The following SCN2A variants were observed in gnomAD, a reference collection of about 807,000 sequenced individuals.
SCN2A encodes the protein sodium channel protein type 2 subunit alpha.
SCN2A carries 20 observed loss-of-function variants against 188.7 expected under a neutral mutation model. That is an observed-to-expected ratio of 0.11 (90% CI 0.07 to 0.15). SCN2A has a LOEUF of 0.15. Among genes scored for constraint, SCN2A ranks in the 10% least tolerant of loss-of-function variants. The probability of loss-of-function intolerance (pLI) is 1.00; values close to 1 mark genes in which losing one functional copy is unlikely to be tolerated. For missense variants in SCN2A, 1,278 were observed against 2,445.0 expected (o/e 0.52, Z 10.07); for synonymous variants, 804 against 833.1 (o/e 0.97, Z 0.60).
intron 1 of SCN2A, among the ~76,000 whole-genome samples, chr2:165,256,800 A>AT (rs1168751521): frequency 6.6e-6 from 1 of 151,496 alleles, no homozygotes; most frequent in Admixed American, 6.6e-5. Flanking sequence ...ATGTTTGGCG[A>AT]TTTTTTTTCC....
chr2:165,278,757 C>T (rs555743538), intron 1 of SCN2A, among the ~76,000 whole-genome samples: 1 of 152,140 alleles, frequency 6.6e-6, no homozygotes, highest in South Asian at 2.1e-4. Flanking sequence ...ATAGTAAAAC[C>T]CCATCTCTAC....
intron 17 of SCN2A, among the ~76,000 whole-genome samples, chr2:165,360,549 A>C (rs1347886687): frequency 2.6e-5 from 4 of 151,942 alleles, no homozygotes; most frequent in Non-Finnish European, 5.9e-5. Flanking sequence ...TCCACCAAAA[A>C]CATTGTTCAA....
chr2:165,371,795 G>T (rs1701044176), intron 20 of SCN2A: 1 of 152,188 alleles, frequency 6.6e-6, no homozygotes, highest in African/African-American at 2.4e-5. Context: ...AGACCTGCTT[G>T]TTCTTTTAGT....
intron 3 of SCN2A, among the ~76,000 whole-genome samples, chr2:165,303,192 T>C (rs576523425): frequency 9.2e-5 from 14 of 152,188 alleles, no homozygotes; most frequent in Non-Finnish European, 1.9e-4. Context: ...GTTTCTATAC[T>C]TTTTTGATGC....
At chr2:165,243,724 G>A (rs1434039499) in intron 1 of SCN2A, 1 of 151,854 alleles carries the variant, frequency 6.6e-6, no homozygotes, top group African/African-American at 2.4e-5. Flanking sequence ...GAATCCTCTT[G>A]GGGCTTTCTT....
In SCN2A at chr2:165,365,223, A is replaced by C. The variant is rs1432278747; in HGVS notation, c.3480A>C (p.Glu1160Asp). The C allele has an allele frequency of 6.2e-7, 1 of 1,613,890 alleles. No individual in the cohort carries two copies. Among genetic ancestry groups the C allele is most frequent in the African/African-American group, 1.3e-5 (1 of 74,912 alleles). The change falls in exon 18 of 27, where the codon GAA (glutamate) becomes GAC (aspartate). Residue 1160 changes from glutamate to aspartate, a missense_variant. Transcript: ENST00000375437. ...APAEGEQPEVEPEESLEPEAC... is the reference protein window; with the variant it reads ...APAEGEQPEVDPEESLEPEAC... Reference sequence around the variant, plus strand: ...CCGAGGGAGAACAGCCTGAGGTTGAACCTGAGGAATCCCTTGAACCTGAAG... The same window carrying C: ...CCGAGGGAGAACAGCCTGAGGTTGACCCTGAGGAATCCCTTGAACCTGAAG...
At chr2:165,357,705 A>G (rs943291791) in intron 17 of SCN2A, among the ~76,000 whole-genome samples, 3 of 152,072 alleles carry the variant, frequency 2.0e-5, no homozygotes, top group Non-Finnish European at 4.4e-5. Flanking sequence ...TTGAATGACT[A>G]TTTTTCGAAG....
At chr2:165,309,204 T>A in intron 5 of SCN2A, 148 bp from the exon 6 acceptor site, 1 of 1,613,654 alleles carries the variant, frequency 6.2e-7, no homozygotes, top group Non-Finnish European at 8.5e-7. Flanking sequence ...ATGTTTCAGC[T>A]CTTCGAACTT....
intron 17 of SCN2A, among the ~76,000 whole-genome samples, chr2:165,364,485 A>G (rs1700623014): frequency 6.6e-6 from 1 of 152,276 alleles, no homozygotes; most frequent in African/African-American, 2.4e-5. Context: ...CAGGGCAGGT[A>G]AGAGTGCCAG....
At chr2:165,262,903 C>T (rs980912529) in intron 1 of SCN2A, among the ~76,000 whole-genome samples, 15 of 152,038 alleles carry the variant, frequency 9.9e-5, no homozygotes, top group Non-Finnish European at 1.9e-4. Context: ...CACATCCATG[C>T]CAATATCTAT....
chr2:165,314,848 G>A (rs1697646567), intron 10 of SCN2A, among the ~76,000 whole-genome samples: 1 of 152,042 alleles, frequency 6.6e-6, no homozygotes, highest in African/African-American at 2.4e-5. Context: ...TCCTAAATAT[G>A]TAATAAAGGT....
At chr2:165,298,937 AG>A (rs1179768517) in intron 3 of SCN2A, among the ~76,000 whole-genome samples, 1 of 151,886 alleles carries the variant, frequency 6.6e-6, no homozygotes, top group Non-Finnish European at 1.5e-5. Flanking sequence ...ATACAAAAAA[AG>A]TGAAAAAATA....
At chr2:165,289,314 G>GA (rs965699394) in intron 1 of SCN2A, among the ~76,000 whole-genome samples, 1 of 151,542 alleles carries the variant, frequency 6.6e-6, no homozygotes, top group Non-Finnish European at 1.5e-5. Flanking sequence ...TTTTAATTTA[G>GA]AAAAAATATA....
Position 165,269,426 on chromosome 2 carries a change from T to C in SCN2A, c.-51-26347T>C, listed in dbSNP as rs189257050. 2.0e-5 allele frequency: 3 copies of C among 152,170 alleles called. No homozygotes were observed. The East Asian group carries it at 5.8e-4, about 29-fold the overall frequency. 9.4% of individuals were successfully genotyped at this position (152,170 alleles called of 1,614,324 possible). ...ACTTGGACTCACATTCAGGTTGCCA[T>C]AGTCCAAATTCAGGCTTCCCTACTC... On this transcript the variant is annotated intron_variant, in intron 1 of 26. Coordinates refer to ENST00000375437, the MANE Select transcript of SCN2A (RefSeq NM_001040142.2).
chr2:165,385,248 T>C (rs983250284), intron 25 of SCN2A, among the ~76,000 whole-genome samples: 30 of 152,074 alleles, frequency 2.0e-4, no homozygotes, highest in African/African-American at 5.6e-4. Context: ...ATTAGGTGTA[T>C]ATGTAGCAGA....
At chr2:165,308,909 A>G in intron 5 of SCN2A, 115 bp downstream of exon 5, 1 of 1,340,304 alleles carries the variant, frequency 7.5e-7, no homozygotes, top group Admixed American at 2.0e-5. Context: ...TAGTAATCAT[A>G]GTTTTCTTCC....
chr2:165,301,946 G>A (rs1344663263), intron 3 of SCN2A, among the ~76,000 whole-genome samples: 1 of 152,142 alleles, frequency 6.6e-6, no homozygotes. Context: ...CTTCAGACCA[G>A]GTTTTTTGAT....
intron 1 of SCN2A, among the ~76,000 whole-genome samples, chr2:165,261,136 G>T (rs528689212): frequency 2.6e-5 from 4 of 152,246 alleles, no homozygotes; most frequent in African/African-American, 9.6e-5. Context: ...ACAAGAAAAA[G>T]TTGGCTGTAC....
At chr2:165,339,931 G>A (rs1469056173) in intron 14 of SCN2A, among the ~76,000 whole-genome samples, 1 of 152,162 alleles carries the variant, frequency 6.6e-6, no homozygotes, top group East Asian at 1.9e-4. Flanking sequence ...AGAATCTACA[G>A]TATTGGCATA....
Sources: allele counts gnomAD v4.1 joint callset (sites outside exome capture counted in the v4.1 genomes callset), GRCh38; gene constraint gnomAD v4.1.1; transcripts MANE v1.5; gene names NCBI Gene and HGNC (gene_info 2026-07-23, HGNC 2026-07-21).